Variants in MKLN1 observed in about 807,000 individuals in gnomAD.
The protein encoded by MKLN1 is muskelin.
A neutral mutation model predicts 99.0 loss-of-function variants in MKLN1; 18 were observed. That is an observed-to-expected ratio of 0.18 (90% CI 0.13 to 0.27). The LOEUF (loss-of-function observed/expected upper bound fraction) is 0.27. Ranked by LOEUF, MKLN1 falls within the 10% of genes least tolerant of loss-of-function variation. The pLI is 1.00. For missense variants in MKLN1, 621 were observed against 875.9 expected (o/e 0.71, Z 3.67); for synonymous variants, 288 against 293.2 (o/e 0.98, Z 0.18).
chr7:131,228,646 A>G (rs974211273), intron 3 of MKLN1, among the ~76,000 whole-genome samples: 1 of 152,208 alleles, frequency 6.6e-6, no homozygotes, highest in Admixed American at 6.5e-5. Flanking sequence ...GAAATCATGC[A>G]AGTAAAGAAC....
At chr7:131,456,248 T>C (rs1796335039) in intron 12 of MKLN1, among the ~76,000 whole-genome samples, 1 of 152,074 alleles carries the variant, frequency 6.6e-6, no homozygotes, top group Non-Finnish European at 1.5e-5. Context: ...TTTATTATTA[T>C]AATTATTATA....
chr7:131,483,771 A>G (rs1023604183), intron 17 of MKLN1, among the ~76,000 whole-genome samples: 1 of 152,258 alleles, frequency 6.6e-6, no homozygotes, highest in Non-Finnish European at 1.5e-5. Flanking sequence ...AGAAAGCAGC[A>G]GAGATCACAG....
intron 16 of MKLN1, 87 bp downstream of exon 16, chr7:131,471,031 G>A: frequency 1.1e-6 from 1 of 904,604 alleles, no homozygotes; most frequent in Non-Finnish European, 1.7e-6. Flanking sequence ...TCTTGAGTGT[G>A]TAAAGGAAAA....
At chr7:131,134,477 C>T (rs1795617805) in intron 1 of MKLN1, among the ~76,000 whole-genome samples, 1 of 152,182 alleles carries the variant, frequency 6.6e-6, no homozygotes, top group South Asian at 2.1e-4. Flanking sequence ...GTCCAGACCT[C>T]TCTCCTGATC....
intron 3 of MKLN1, among the ~76,000 whole-genome samples, chr7:131,313,401 A>G (rs1314465718): frequency 6.6e-6 from 1 of 152,206 alleles, no homozygotes; most frequent in African/African-American, 2.4e-5. Context: ...GAACTGAGGT[A>G]AGAAAAACAA....
At chr7:131,335,426 G>C (rs1232212753) in intron 1 of MKLN1, among the ~76,000 whole-genome samples, 1 of 152,044 alleles carries the variant, frequency 6.6e-6, no homozygotes, top group African/African-American at 2.4e-5. Flanking sequence ...TCATTATCTA[G>C]GAATAATTTA....
chr7:131,463,361 G>A lies in MKLN1; in HGVS notation c.1670G>A (p.Ser557Asn). 1.2e-6 allele frequency: 2 copies of A among 1,610,708 alleles called. No individual in the cohort carries two copies. Among genetic ancestry groups the A allele is most frequent in the Non-Finnish European group, 1.7e-6 (2 of 1,178,806 alleles). ...TGGATTTATGACATTGTGAGGAATA[G>A]TTGGTAAGGAACTCTTGTCTCTGCT... ...SFWIYDIVRN[S>N]WSCVYKNDQA... Residue 557 changes from serine (S) to asparagine (N), a missense_variant, in exon 13 of 18, where the codon AGT becomes AAT. By Grantham distance (46) the Ser-to-Asn change is conservative. Transcript: ENST00000352689.
At chr7:131,335,068 T>C (rs541963311) in intron 1 of MKLN1, among the ~76,000 whole-genome samples, 1 of 152,252 alleles carries the variant, frequency 6.6e-6, no homozygotes, top group East Asian at 1.9e-4. Context: ...GATTGTTGCT[T>C]ATTAAGGGGT....
intron 3 of MKLN1, among the ~76,000 whole-genome samples, chr7:131,206,044 C>A (rs1244983878): frequency 6.6e-6 from 1 of 152,070 alleles, no homozygotes; most frequent in Non-Finnish European, 1.5e-5. Context: ...CAGGTGGGTG[C>A]CACCATGCCC....
chr7:131,324,169 C>G (rs1379210467), upstream of MKLN1: 2 of 152,190 alleles, frequency 1.3e-5, no homozygotes, highest in African/African-American at 2.4e-5. Context: ...AGCTCTATAC[C>G]CGAATCTTCT....
chr7:131,159,719 A>G (rs1306556824), intron 2 of MKLN1, among the ~76,000 whole-genome samples: 2 of 152,228 alleles, frequency 1.3e-5, no homozygotes, highest in African/African-American at 4.8e-5. Context: ...TCAGGTTTCA[A>G]AATATCACAT....
intron 8 of MKLN1, among the ~76,000 whole-genome samples, chr7:131,416,451 A>T (rs1163779893): frequency 6.6e-6 from 1 of 152,208 alleles, no homozygotes; most frequent in African/African-American, 2.4e-5. Flanking sequence ...ATTGAGAATT[A>T]AAATCTAACT....
At chr7:131,118,723 T>C (rs1795316219) in intron 1 of MKLN1, among the ~76,000 whole-genome samples, 1 of 152,106 alleles carries the variant, frequency 6.6e-6, no homozygotes, top group Non-Finnish European at 1.5e-5. Context: ...CAAACACATC[T>C]TCACATGGCC....
intron 3 of MKLN1, among the ~76,000 whole-genome samples, chr7:131,281,503 G>A (rs919429191): frequency 6.6e-6 from 1 of 151,854 alleles, no homozygotes; most frequent in Non-Finnish European, 1.5e-5. Flanking sequence ...AGATTGTTTT[G>A]GCTATTTTGG....
rs554162394 is a variant in MKLN1 at position 131,125,516 on chromosome 7, A to G, written c.-419+15309A>G. Among the ~76,000 whole-genome samples, 36 of 152,320 alleles carry G rather than the reference A, an allele frequency of 2.4e-4. No homozygotes were observed. In the East Asian group the frequency reaches 6.6e-3, roughly 28 times the overall value. On this transcript the variant is annotated intron_variant, in intron 1 of 7. Transcript: ENST00000416992. ...GGAAATAAAGGGCAAGAGGAGTCAT[A>G]TGATTGGAAGTGTACATTTTTACAA...
chr7:131,453,816 C>T (rs1245710417), intron 12 of MKLN1, among the ~76,000 whole-genome samples: 1 of 152,006 alleles, frequency 6.6e-6, no homozygotes, highest in Admixed American at 6.6e-5. Flanking sequence ...TTATTTCCTA[C>T]AATGAACAAA....
At chr7:131,434,300 G>T (rs985783904) in intron 9 of MKLN1, among the ~76,000 whole-genome samples, 3 of 152,084 alleles carry the variant, frequency 2.0e-5, no homozygotes, top group African/African-American at 7.2e-5. Flanking sequence ...AGTTTAAGAG[G>T]TCTATGATAT....
At chr7:131,339,649 A>C (rs1799348199) in intron 1 of MKLN1, among the ~76,000 whole-genome samples, 1 of 151,810 alleles carries the variant, frequency 6.6e-6, no homozygotes. Flanking sequence ...CAGCGAGCTG[A>C]GATCGTGCCA....
intron 2 of MKLN1, among the ~76,000 whole-genome samples, chr7:131,178,088 C>A (rs1021615927): frequency 3.9e-5 from 6 of 151,914 alleles, no homozygotes; most frequent in African/African-American, 1.5e-4. Context: ...TTTCAGCAGG[C>A]CCCATCCACT....
Sources: gnomAD v4.1 joint callset for allele counts (sites outside exome capture counted in the v4.1 genomes callset) on GRCh38, gnomAD v4.1.1 for gene constraint, MANE v1.5 for transcripts, NCBI Gene and HGNC (gene_info 2026-07-23, HGNC 2026-07-21) for gene names.